Variants in NUDT16L1 observed in about 807,000 individuals in gnomAD.
The protein encoded by NUDT16L1 is tudor-interacting repair regulator protein.
A neutral mutation model predicts 17.3 loss-of-function variants in NUDT16L1; 19 were observed. The observed-to-expected ratio is 1.10, with a 90% CI of 0.77 to 1.61. NUDT16L1 has a LOEUF of 1.61. Ranked by LOEUF, NUDT16L1 falls within the 40% of genes most tolerant of loss-of-function variation. NUDT16L1 has a pLI of 0.00. For synonymous variants in NUDT16L1, 255 were observed against 138.6 expected, an observed-to-expected ratio of 1.84 and a Z score of -5.90; for missense variants, 341 against 292.0, an observed-to-expected ratio of 1.17 and a Z score of -1.22.
Position 4,695,850 on chromosome 16 carries a change from G to A in NUDT16L1, c.*671G>A, listed in dbSNP as rs1231714968. The A allele has an allele frequency of 6.2e-6, 2 of 324,036 alleles. No individual in the cohort carries two copies. Among genetic ancestry groups the A allele is most frequent in the African/African-American group, 2.1e-5 (1 of 46,720 alleles). The allele number at this position is 324,036 out of a possible 1,614,324, so 20.1% of individuals were successfully genotyped here. ...TAAAGTCGCTCCGCAGCTGCTCTGT[G>A]TGTTTCTCAGCTGCCCTGTGTGTTT... On this transcript the variant is annotated 3_prime_UTR_variant, in exon 3 of 3. Coordinates refer to ENST00000304301, the Ensembl canonical transcript of NUDT16L1.
At chr16:4,695,561 G>C in exon 3 of NUDT16L1, 1 of 453,468 alleles carries the variant, frequency 2.2e-6, no homozygotes, top group Non-Finnish European at 3.9e-6. Flanking sequence ...TGTGGGTGGA[G>C]GATGCCTTGT....
chr16:4,694,214 G>A (rs747744820), exon 2 of NUDT16L1: 10 of 1,526,724 alleles, frequency 6.5e-6, no homozygotes, highest in South Asian at 3.6e-5. Context: ...TCAGCGCGGT[G>A]CACTCGCGCG....
Position 4,694,938 on chromosome 16 carries a change from C to T in NUDT16L1, c.415-20C>T, listed in dbSNP as rs572797219. The T allele has an allele frequency of 1.3e-6, 2 of 1,595,456 alleles. No individual in the cohort carries two copies. The highest frequency in any genetic ancestry group is 1.7e-6 in the Non-Finnish European group (2 of 1,175,130). On this transcript the variant is annotated intron_variant, in intron 2 of 2. Coordinates refer to ENST00000304301, the Ensembl canonical transcript of NUDT16L1. Reference sequence around the variant, plus strand: ...TTGTGTGGCAGGCCTGGCCCCAACCCCTACCTCCTGTCTGCGCAGGTGCTG... The same window carrying T: ...TTGTGTGGCAGGCCTGGCCCCAACCTCTACCTCCTGTCTGCGCAGGTGCTG...
At chr16:4,694,291 C>G (rs772741309) in intron 2 of NUDT16L1, 53 bp downstream of exon 2, 8 of 1,476,772 alleles carry the variant, frequency 5.4e-6, no homozygotes, top group African/African-American at 1.4e-5. Flanking sequence ...GCTCTGGCCC[C>G]GTGGAAGGCA....
At chr16:4,694,759 C>G in intron 2 of NUDT16L1, 199 bp from the exon 3 acceptor site, 1 of 1,430,682 alleles carries the variant, frequency 7.0e-7, no homozygotes, top group Non-Finnish European at 9.1e-7. Context: ...GGGTCAGCCT[C>G]CACACTTGCT....
exon 2 of NUDT16L1, chr16:4,694,067 GCTGGGC>G (rs754557304): frequency 5.0e-6 from 8 of 1,589,858 alleles, no homozygotes; most frequent in Non-Finnish European, 5.1e-6. Flanking sequence ...TGAACCGGGT[GCTGGGC>G]CTGGGCCTGG....
chr16:4,694,091 G>A (rs748697024), exon 2 of NUDT16L1: 1 of 1,591,744 alleles, frequency 6.3e-7, no homozygotes, highest in South Asian at 1.1e-5. Context: ...TGGGCTGCCT[G>A]CGCCTCACCG....
At position 4,694,120 on chromosome 16, in the gene NUDT16L1, C is replaced by A. The variant is rs1422310045; in HGVS notation, c.296C>A (p.Ser99Ter). The A allele has an allele frequency of 2.5e-6, 4 of 1,589,798 alleles. No individual in the cohort carries two copies. Among genetic ancestry groups the A allele is most frequent in the Non-Finnish European group, 3.4e-6 (4 of 1,176,242 alleles). ...CTCACCGAGGCCGACTACCTGAGCT[C>A]GCACCTGACCGAGGGCCCACACCGC... Residue 99 changes from serine to a stop codon, truncating the protein, a stop_gained, in exon 2 of 3, where the codon TCG (serine) becomes TAG (stop). Coordinates refer to ENST00000304301, the Ensembl canonical transcript of NUDT16L1. LOFTEE classifies it high-confidence loss of function.
exon 1 of NUDT16L1, chr16:4,693,780 G>T (rs773434474): frequency 2.6e-6 from 4 of 1,566,322 alleles, no homozygotes; most frequent in Non-Finnish European, 1.7e-6. Flanking sequence ...TGGAGGCGAT[G>T]CGCCTAGGGC....
chr16:4,694,787 C>A (rs1380489677), intron 2 of NUDT16L1, 171 bp from the exon 3 acceptor site: 3 of 1,442,126 alleles, frequency 2.1e-6, no homozygotes, highest in Non-Finnish European at 2.7e-6. Context: ...GAGGGGGCTG[C>A]ACTGCTCCGA....
At chr16:4,693,812 A>G (rs993549589) in exon 1 of NUDT16L1, 4 of 1,571,872 alleles carry the variant, frequency 2.5e-6, no homozygotes, top group Non-Finnish European at 3.4e-6. Context: ...CACTCGTGCC[A>G]CGCCATGCTG....
In NUDT16L1 at chr16:4,693,786, A is replaced by G. The variant is rs763094567; in HGVS notation, c.60A>G (p.Leu20=). 42 of 1,569,788 alleles carry G rather than the reference A, an allele frequency of 2.7e-5. No individual in the cohort carries two copies. In the South Asian group the frequency reaches 3.8e-4, roughly 14 times the overall value. Reference sequence around the variant, plus strand: ...TCAGCCGGGTGGAGGCGATGCGCCTAGGGCCGGGCTGGAGCCACTCGTGCC... The same window carrying G: ...TCAGCCGGGTGGAGGCGATGCGCCTGGGGCCGGGCTGGAGCCACTCGTGCC... The change falls in exon 1 of 3, where the codon CTA becomes CTG. Residue 20 remains leucine, a synonymous_variant. Coordinates refer to ENST00000304301, the Ensembl canonical transcript of NUDT16L1.
At position 4,695,846 on chromosome 16, in the gene NUDT16L1, CTGTGTG is replaced by C; in HGVS notation, c.*669_*674del. The C allele has an allele frequency of 3.0e-6, 1 of 331,760 alleles. No homozygotes were observed. The highest frequency in any genetic ancestry group is 2.1e-5 in the African/African-American group (1 of 47,010). 20.6% of individuals were successfully genotyped at this position (331,760 alleles called of 1,614,324 possible). A position where few individuals can be genotyped will look rare whatever the true frequency, so the allele number is the denominator to read the frequency against. ...ACAATAAAGTCGCTCCGCAGCTGCT[CTGTGTG>C]TTTCTCAGCTGCCCTGTGTGTTTGT... On this transcript the variant is annotated 3_prime_UTR_variant, in exon 3 of 3. Coordinates refer to ENST00000304301, the Ensembl canonical transcript of NUDT16L1.
chr16:4,694,873 T>C, intron 2 of NUDT16L1, 85 bp from the exon 3 acceptor site: 2 of 1,511,934 alleles, frequency 1.3e-6, no homozygotes, highest in Non-Finnish European at 1.8e-6. Flanking sequence ...GCTCATACCC[T>C]GGCCTCATAG....
chr16:4,694,954 G>T lies in NUDT16L1; in HGVS notation c.415-4G>T. 6.2e-7 allele frequency: 1 copy of T among 1,605,260 alleles called. No individual in the cohort carries two copies. The highest frequency in any genetic ancestry group is 8.5e-7 in the Non-Finnish European group (1 of 1,178,682). On this transcript the variant is annotated splice_polypyrimidine_tract_variant and splice_region_variant and intron_variant, in intron 2 of 2. Coordinates refer to ENST00000304301, the Ensembl canonical transcript of NUDT16L1. ...GCCCCAACCCCTACCTCCTGTCTGC[G>T]CAGGTGCTGGGCCTCGTGCGGGTCC...
intron 2 of NUDT16L1, chr16:4,694,740 G>T (rs534579373): frequency 1.7e-5 from 24 of 1,423,244 alleles, no homozygotes; most frequent in Admixed American, 5.8e-5. Flanking sequence ...CGAGGGGGGG[G>T]AGTGCATGGG....
rs8057623 is a variant in NUDT16L1 at position 4,694,864 on chromosome 16, C to T, written c.415-94C>T. 8.4e-3 allele frequency: 12,608 copies of T among 1,496,178 alleles called. 849 individuals carry two copies. The African/African-American group carries it at 0.15, about 18-fold the overall frequency. The allele number at this position is 1,496,178 out of a possible 1,614,324, so 92.7% of individuals were successfully genotyped here. On this transcript the variant is annotated intron_variant, in intron 2 of 2. Coordinates refer to ENST00000304301, the Ensembl canonical transcript of NUDT16L1. Reference sequence around the variant, plus strand: ...ATTAAGTCCTTGGCAAAGCTGGCTGCTCATACCCTGGCCTCATAGCTTCCA... The same window carrying T: ...ATTAAGTCCTTGGCAAAGCTGGCTGTTCATACCCTGGCCTCATAGCTTCCA...
chr16:4,695,260 G>A, exon 3 of NUDT16L1: 1 of 1,417,332 alleles, frequency 7.1e-7, no homozygotes, highest in Non-Finnish European at 9.7e-7. Flanking sequence ...GAGTGTTTGT[G>A]TGTACCCCGC....
chr16:4,694,313 C>T (rs2079485782), intron 2 of NUDT16L1, 75 bp downstream of exon 2: 2 of 1,487,984 alleles, frequency 1.3e-6, no homozygotes, highest in Non-Finnish European at 1.8e-6. Flanking sequence ...CGATGGGTAA[C>T]ACGTCTCCTG....
Sources: gnomAD v4.1 joint callset for allele counts on GRCh38, gnomAD v4.1.1 for gene constraint, MANE v1.5 for transcripts, NCBI Gene and HGNC (gene_info 2026-07-23, HGNC 2026-07-21) for gene names.